Variants in CWC27 observed in about 807,000 individuals in gnomAD.
CWC27 encodes the protein spliceosome-associated protein CWC27 homolog.
In CWC27, 47 loss-of-function variants were observed where a neutral mutation model predicts 63.6. The ratio of observed to expected loss-of-function variants is 0.74; its 90% CI spans 0.58 to 0.94. The LOEUF (loss-of-function observed/expected upper bound fraction) is 0.94. Ranked by LOEUF, CWC27 falls within the 40% of genes least tolerant of loss-of-function variation. CWC27 has a pLI of 0.00. For synonymous variants in CWC27, 175 were observed against 179.8 expected, an observed-to-expected ratio of 0.97 and a Z score of 0.22; for missense variants, 495 against 554.3, an observed-to-expected ratio of 0.89 and a Z score of 1.07.
rs775866124 is a variant in CWC27 at position 64,804,383 on chromosome 5, G to A, written c.935G>A (p.Arg312His). 23 of 1,609,212 alleles carry A rather than the reference G, an allele frequency of 1.4e-5. No homozygotes were observed. The highest frequency in any genetic ancestry group is 1.8e-4 in the Middle Eastern group (1 of 5,636). Reference protein sequence around the residue: ...EGEVEKKSVSRSEELRKEARQ... With the variant: ...EGEVEKKSVSHSEELRKEARQ... Reference sequence around the variant, plus strand: ...GAAGTGGAGAAGAAATCAGTCAGCCGCAGGTGAGTCAGTTACTGTGCTAGA... The same window carrying A: ...GAAGTGGAGAAGAAATCAGTCAGCCACAGGTGAGTCAGTTACTGTGCTAGA... Residue 312 changes from arginine (R) to histidine (H), a missense_variant, in exon 10 of 14, where the codon CGC becomes CAC. Arg to His is a conservative substitution (Grantham distance 29). This residue lies in a region of CWC27 where 463 missense variants were observed against 498.1 expected (regional missense o/e 0.93). Coordinates refer to ENST00000381070, the MANE Select transcript of CWC27 (RefSeq NM_005869.4).
intron 11 of CWC27, among the ~76,000 whole-genome samples, chr5:64,966,004 T>C (rs1214623374): frequency 1.3e-5 from 2 of 152,124 alleles, no homozygotes; most frequent in Non-Finnish European, 2.9e-5. Context: ...GAGTGTTTGG[T>C]TTCATAAATA....
rs188406678 is a variant in CWC27, at chr5:64,937,100, A to G, written c.1043-34603A>G. Reference sequence around the variant, plus strand: ...GGTTTTTTGTGTCTCTATCTCTTTCAGTTCTACTCTGATCTTAGTTATTTC... The same window carrying G: ...GGTTTTTTGTGTCTCTATCTCTTTCGGTTCTACTCTGATCTTAGTTATTTC... On this transcript the variant is annotated intron_variant, in intron 11 of 13. Transcript: ENST00000381070. 9.3e-3 allele frequency among the ~76,000 whole-genome samples: 1,411 copies of G among 151,980 alleles called. 17 individuals are homozygous for G. The highest frequency in any genetic ancestry group is 0.033 in the African/African-American group (1,354 of 41,462).
At chr5:64,946,621 T>A (rs1352635259) in intron 11 of CWC27, among the ~76,000 whole-genome samples, 1 of 151,948 alleles carries the variant, frequency 6.6e-6, no homozygotes, top group Non-Finnish European at 1.5e-5. Context: ...GAGTTATTCA[T>A]CTGGGCCTTA....
chr5:64,783,851 CG>C lies in CWC27; in HGVS notation c.270del (p.Leu91CysfsTer57), dbSNP rs1561404210. On this transcript the variant is annotated frameshift_variant, in exon 4 of 14. Transcript: ENST00000381070. LOFTEE classifies it high-confidence loss of function. ...GAPFKDEFHS[R>X]LRFNRRGLVA... ...TACATTTCAGGATGAATTTCATTCA[CG>C]GTTGCGTTTTAATCGGAGAGGACTG... 1 of 1,576,600 alleles carries C rather than the reference CG, an allele frequency of 6.3e-7. No individual in the cohort carries two copies. Among genetic ancestry groups the C allele is most frequent in the Admixed American group, 1.9e-5 (1 of 52,592 alleles).
rs1554067448 is a variant in CWC27, at chr5:64,782,469, A to AATAAATAT, written c.252+443_252+444insTATAAATA. ...TCTCAAATAAATAAATAAATAAATA[A>AATAAATAT]ATAAATAAATAAATTGTCTGTAAAA... On this transcript the variant is annotated intron_variant, in intron 3 of 13. Transcript: ENST00000381070. Among the ~76,000 whole-genome samples the AATAAATAT allele has an allele frequency of 2.6e-5, 4 of 151,584 alleles. No homozygotes were observed. In the East Asian group the frequency reaches 7.7e-4, roughly 29 times the overall value.
rs376253588 is a variant in CWC27 at position 64,853,276 on chromosome 5, T to A, written c.939-32167T>A. Among the ~76,000 whole-genome samples, 158 of 152,326 alleles carry A rather than the reference T, an allele frequency of 1.0e-3. 1 individual carries two copies. Among genetic ancestry groups the A allele is most frequent in the African/African-American group, 3.7e-3 (152 of 41,584 alleles). Reference sequence around the variant, plus strand: ...AATTAACTTTATTGCTTCTTTTGACTTGAATCATGAACCTCTGTTTCTGCC... The same window carrying A: ...AATTAACTTTATTGCTTCTTTTGACATGAATCATGAACCTCTGTTTCTGCC... On this transcript the variant is annotated intron_variant, in intron 10 of 13. Coordinates refer to ENST00000381070, the MANE Select transcript of CWC27 (RefSeq NM_005869.4).
At chr5:64,900,576 TTAACTTTGTTCATTTTTGAATC>T (rs1435827230) in intron 11 of CWC27, among the ~76,000 whole-genome samples, 1 of 152,192 alleles carries the variant, frequency 6.6e-6, no homozygotes, top group Non-Finnish European at 1.5e-5. Flanking sequence ...GTCTAACTTA[TTAACTTTGTTCATTTTTGAATC>T]TAGTTATTGG....
intron 11 of CWC27, among the ~76,000 whole-genome samples, chr5:64,904,309 G>A (rs1264681976): frequency 1.3e-5 from 2 of 152,202 alleles, no homozygotes; most frequent in Non-Finnish European, 2.9e-5. Flanking sequence ...AAAACATTAA[G>A]TTTTTCATAG....
chr5:64,992,670 T>C (rs185755361), intron 13 of CWC27, among the ~76,000 whole-genome samples: 131 of 151,086 alleles, frequency 8.7e-4, no homozygotes, highest in Middle Eastern at 6.8e-3. Flanking sequence ...TAGCTGGGAC[T>C]ACAGGCGCCC....
intron 13 of CWC27, among the ~76,000 whole-genome samples, chr5:64,981,662 T>C (rs998903757): frequency 4.6e-5 from 7 of 152,020 alleles, no homozygotes; most frequent in African/African-American, 1.7e-4. Context: ...AAGTAAATAC[T>C]TGTCTTTAGG....
At chr5:64,934,157 G>A (rs935227728) in intron 11 of CWC27, among the ~76,000 whole-genome samples, 5 of 152,220 alleles carry the variant, frequency 3.3e-5, no homozygotes, top group Admixed American at 3.3e-4. Context: ...GAACGTGCAG[G>A]TTTGTTACAT....
At chr5:65,013,068 T>TA (rs930971731) in intron 13 of CWC27, among the ~76,000 whole-genome samples, 5 of 151,658 alleles carry the variant, frequency 3.3e-5, no homozygotes, top group African/African-American at 4.8e-5. Context: ...AAATAAAAAA[T>TA]AAAAAAAGGG....
At chr5:64,840,975 G>A (rs998097727) in intron 10 of CWC27, among the ~76,000 whole-genome samples, 1 of 152,176 alleles carries the variant, frequency 6.6e-6, no homozygotes, top group Non-Finnish European at 1.5e-5. Context: ...TCAATTAGGT[G>A]TCCCACAGGG....
intron 13 of CWC27, among the ~76,000 whole-genome samples, chr5:65,004,255 G>C (rs1749786662): frequency 6.6e-6 from 1 of 151,788 alleles, no homozygotes; most frequent in Non-Finnish European, 1.5e-5. Flanking sequence ...AGACTTATGA[G>C]TTTTTCTGCT....
intron 10 of CWC27, among the ~76,000 whole-genome samples, chr5:64,863,902 A>T (rs921168486): frequency 1.3e-5 from 2 of 152,152 alleles, no homozygotes; most frequent in African/African-American, 4.8e-5. Context: ...TTTGCCATCC[A>T]TTGGTGATTC....
intron 11 of CWC27, among the ~76,000 whole-genome samples, chr5:64,924,916 A>C (rs1748075731): frequency 6.6e-6 from 1 of 151,496 alleles, no homozygotes; most frequent in East Asian, 1.9e-4. Flanking sequence ...AAACTAACCA[A>C]AGTTATTTTG....
chr5:64,793,141 G>A (rs1411114809), intron 7 of CWC27, among the ~76,000 whole-genome samples: 1 of 152,024 alleles, frequency 6.6e-6, no homozygotes, highest in Non-Finnish European at 1.5e-5. Flanking sequence ...GCCTTTTTGG[G>A]TAGGAAGCCA....
At chr5:64,942,119 T>G (rs1041112846) in intron 11 of CWC27, among the ~76,000 whole-genome samples, 2 of 152,054 alleles carry the variant, frequency 1.3e-5, no homozygotes, top group Non-Finnish European at 2.9e-5. Flanking sequence ...AAGTGCTTTA[T>G]TTTATACTAA....
intron 2 of CWC27, among the ~76,000 whole-genome samples, chr5:64,775,157 G>C (rs1257795419): frequency 1.3e-5 from 2 of 152,112 alleles, no homozygotes; most frequent in Non-Finnish European, 2.9e-5. Context: ...ACCACATTAA[G>C]AACTTCAGTC....
Sources: allele counts gnomAD v4.1 joint callset (sites outside exome capture counted in the v4.1 genomes callset), GRCh38; gene constraint gnomAD v4.1.1; regional missense constraint gnomAD v4.1.1; transcripts MANE v1.5; gene names NCBI Gene and HGNC (gene_info 2026-07-23, HGNC 2026-07-21).